Variants in PLCXD3 observed in about 807,000 individuals in gnomAD.
The protein encoded by PLCXD3 is phosphatidylinositol specific phospholipase C X domain containing 3, also known as PI-PLC X domain-containing protein 3.
A neutral mutation model predicts 25.5 loss-of-function variants in PLCXD3; 19 were observed. That is an observed-to-expected ratio of 0.75 (90% CI 0.52 to 1.09). The LOEUF (loss-of-function observed/expected upper bound fraction) is 1.09. PLCXD3 is among the 50% of genes least tolerant of loss of function. The pLI is 0.00. For missense variants in PLCXD3, 411 were observed against 388.1 expected (o/e 1.06, Z -0.50); for synonymous variants, 174 against 137.6 (o/e 1.26, Z -1.85).
At chr5:41,468,267 C>G (rs59202671) in intron 1 of PLCXD3, among the ~76,000 whole-genome samples, 1,698 of 152,146 alleles carry the variant, frequency 0.011, 28 homozygotes, top group African/African-American at 0.038. Flanking sequence ...ATTCACCCAC[C>G]TTGGCCTCCC....
Position 41,382,511 on chromosome 5 carries a change from A to G in PLCXD3, c.127T>C (p.Tyr43His). 1 of 1,600,346 alleles carries G rather than the reference A, an allele frequency of 6.2e-7. No individual in the cohort carries two copies. The highest frequency in any genetic ancestry group is 1.3e-5 in the African/African-American group (1 of 74,668). ...CCTACTGGAGAGGCTTCATCAATGTAGAAGCTGAAGGAATCATGAGACCCT... is the reference window on the plus strand; with the variant it reads ...CCTACTGGAGAGGCTTCATCAATGTGGAAGCTGAAGGAATCATGAGACCCT... ...IPGSHDSFSF[Y>H]IDEASPVGPE... The change falls in exon 2 of 3, where the codon TAC (tyrosine) becomes CAC (histidine). Residue 43 changes from tyrosine to histidine, a missense_variant. Coordinates refer to ENST00000377801, the MANE Select transcript of PLCXD3 (RefSeq NM_001005473.3).
chr5:41,356,509 G>T (rs145588435), intron 2 of PLCXD3, among the ~76,000 whole-genome samples: 1 of 151,948 alleles, frequency 6.6e-6, no homozygotes, highest in Non-Finnish European at 1.5e-5. Context: ...TGACTTTTAG[G>T]TTATTCCTTT....
chr5:41,388,485 G>T (rs1018606033), intron 1 of PLCXD3, among the ~76,000 whole-genome samples: 1 of 152,028 alleles, frequency 6.6e-6, no homozygotes, highest in Non-Finnish European at 1.5e-5. Flanking sequence ...CCACTGCCCT[G>T]AATGGTACCC....
intron 2 of PLCXD3, among the ~76,000 whole-genome samples, chr5:41,335,227 T>A (rs2150475884): frequency 6.6e-6 from 1 of 152,290 alleles, no homozygotes; most frequent in South Asian, 2.1e-4. Flanking sequence ...TTTGGAAAAA[T>A]TTCCATTTGA....
chr5:41,508,126 C>G (rs1749091991), intron 1 of PLCXD3, among the ~76,000 whole-genome samples: 1 of 152,138 alleles, frequency 6.6e-6, no homozygotes, highest in African/African-American at 2.4e-5. Context: ...GGAAGCTTTA[C>G]AGGAGATCCA....
chr5:41,487,179 A>T (rs1049293990), intron 1 of PLCXD3, among the ~76,000 whole-genome samples: 1 of 152,234 alleles, frequency 6.6e-6, no homozygotes, highest in Non-Finnish European at 1.5e-5. Flanking sequence ...TTGTTCCTTG[A>T]AACAAAATCT....
At chr5:41,455,954 G>A (rs534111093) in intron 1 of PLCXD3, among the ~76,000 whole-genome samples, 18 of 151,998 alleles carry the variant, frequency 1.2e-4, no homozygotes, top group South Asian at 4.1e-4. Flanking sequence ...TAAGATTGTC[G>A]CAAAGAATAG....
chr5:41,454,858 A>G (rs778340077), intron 1 of PLCXD3, among the ~76,000 whole-genome samples: 80 of 151,958 alleles, frequency 5.3e-4, no homozygotes, highest in Non-Finnish European at 9.6e-4. Context: ...TGGGTAATTA[A>G]TAAGAAAAGA....
At chr5:41,426,137 G>C (rs1746950642) in intron 1 of PLCXD3, among the ~76,000 whole-genome samples, 2 of 151,908 alleles carry the variant, frequency 1.3e-5, no homozygotes, top group African/African-American at 4.8e-5. Flanking sequence ...TTCTGGATTT[G>C]GGTCATTCTA....
intron 2 of PLCXD3, among the ~76,000 whole-genome samples, chr5:41,376,144 C>T (rs756276330): frequency 6.6e-6 from 1 of 152,082 alleles, no homozygotes; most frequent in Non-Finnish European, 1.5e-5. Flanking sequence ...TCAAGATGAT[C>T]ACTGTGATGA....
chr5:41,329,790 A>T (rs1298816317), intron 2 of PLCXD3, among the ~76,000 whole-genome samples: 1 of 149,168 alleles, frequency 6.7e-6, no homozygotes, highest in Non-Finnish European at 1.5e-5. Context: ...ATATAATCAG[A>T]TGTATTTAAT....
At chr5:41,496,675 T>C (rs112797943) in intron 1 of PLCXD3, among the ~76,000 whole-genome samples, 2,083 of 147,814 alleles carry the variant, frequency 0.014, 52 homozygotes, top group African/African-American at 0.048. Context: ...TAGACCTACC[T>C]TACAAGAAAT....
In PLCXD3 at chr5:41,338,334, T is replaced by C. The variant is rs146947475; in HGVS notation, c.813-24564A>G. 3.5e-4 allele frequency among the ~76,000 whole-genome samples: 53 copies of C among 152,266 alleles called. No homozygotes were observed. The East Asian group carries it at 6.6e-3, about 19-fold the overall frequency. ...ATAGCATATGGAGACCATTATCATA[T>C]TAAGAACATTGAAATGTCCTGAAGT... On this transcript the variant is annotated intron_variant, in intron 2 of 2. Coordinates refer to ENST00000377801, the MANE Select transcript of PLCXD3 (RefSeq NM_001005473.3).
At chr5:41,445,648 T>C (rs1198012452) in intron 1 of PLCXD3, among the ~76,000 whole-genome samples, 2 of 152,150 alleles carry the variant, frequency 1.3e-5, no homozygotes, top group African/African-American at 4.8e-5. Flanking sequence ...AAAAGTAAGA[T>C]GCAAGAGAAA....
chr5:41,501,260 G>A (rs1441961749), intron 1 of PLCXD3, among the ~76,000 whole-genome samples: 3 of 151,954 alleles, frequency 2.0e-5, no homozygotes, highest in Admixed American at 1.3e-4. Context: ...TATTCTCATT[G>A]CAATAAGCTT....
chr5:41,361,799 C>T (rs1353879170), intron 2 of PLCXD3, among the ~76,000 whole-genome samples: 1 of 152,194 alleles, frequency 6.6e-6, no homozygotes, highest in Admixed American at 6.5e-5. Context: ...AGAAGTAGTA[C>T]AGTTACAATA....
intron 1 of PLCXD3, among the ~76,000 whole-genome samples, chr5:41,488,068 TCCCCCCTCCC>T (rs1458302365): frequency 1.7e-5 from 1 of 60,118 alleles, no homozygotes; most frequent in Admixed American, 2.4e-4. Flanking sequence ...CCCTCCCCCC[TCCCCCCTCCC>T]CCCACGCCAC....
At chr5:41,318,506 T>C (rs573830809) in intron 2 of PLCXD3, among the ~76,000 whole-genome samples, 1 of 152,124 alleles carries the variant, frequency 6.6e-6, no homozygotes, top group Non-Finnish European at 1.5e-5. Flanking sequence ...CTTATGCAAA[T>C]AATGTAAAGT....
At chr5:41,331,848 T>C (rs1481638588) in intron 2 of PLCXD3, among the ~76,000 whole-genome samples, 1 of 152,162 alleles carries the variant, frequency 6.6e-6, no homozygotes, top group African/African-American at 2.4e-5. Flanking sequence ...GGGGAAAGGA[T>C]TCCCTATTTA....
Sources: gnomAD v4.1 joint callset for allele counts (sites outside exome capture counted in the v4.1 genomes callset) on GRCh38, gnomAD v4.1.1 for gene constraint, MANE v1.5 for transcripts, NCBI Gene and HGNC (gene_info 2026-07-23, HGNC 2026-07-21) for gene names.